KCNT2: variants seen among roughly 807,000 people sequenced by gnomAD.
KCNT2 encodes the protein potassium channel subfamily T member 2.
KCNT2 carries 67 observed loss-of-function variants against 153.8 expected under a neutral mutation model. That is an observed-to-expected ratio of 0.44 (90% CI 0.36 to 0.53). The LOEUF (loss-of-function observed/expected upper bound fraction) is 0.53, where lower values mean the gene tolerates loss of function less well. KCNT2 is among the 20% of genes least tolerant of loss of function. The pLI, the probability that KCNT2 is intolerant of heterozygous loss-of-function variation, is 0.00. For synonymous variants in KCNT2, 500 were observed against 458.8 expected, an observed-to-expected ratio of 1.09 and a Z score of -1.15; for missense variants, 975 against 1,354.8, an observed-to-expected ratio of 0.72 and a Z score of 4.40.
chr1:196,420,810 G>T (rs1324284031), intron 12 of KCNT2, among the ~76,000 whole-genome samples: 1 of 151,958 alleles, frequency 6.6e-6, no homozygotes, highest in African/African-American at 2.4e-5. Flanking sequence ...TTAGCATGGT[G>T]CCTAGACTCT....
intron 1 of KCNT2, among the ~76,000 whole-genome samples, chr1:196,566,102 A>T (rs1223055599): frequency 6.6e-6 from 1 of 152,040 alleles, no homozygotes; most frequent in Non-Finnish European, 1.5e-5. Flanking sequence ...TTAAAAATGA[A>T]TTTGTAAAAA....
In KCNT2 at chr1:196,257,576, G is replaced by T. The variant is rs186769828; in HGVS notation, c.3211+618C>A. ...CACTGATAAATGATATATTTTAAAT[G>T]TATAATTGCATTATTTAAGCTTTGC... is the stretch of plus-strand genomic sequence containing the variant. On this transcript the variant is annotated intron_variant, in intron 26 of 27. Transcript: ENST00000294725. 46 of 919,910 alleles carry T rather than the reference G, an allele frequency of 5.0e-5. No individual in the cohort carries two copies. In the African/African-American group the frequency reaches 8.0e-4, roughly 16 times the overall value. 57.0% of individuals were successfully genotyped at this position (919,910 alleles called of 1,614,324 possible).
At chr1:196,499,342 A>G (rs1680491391) in intron 1 of KCNT2, among the ~76,000 whole-genome samples, 2 of 152,240 alleles carry the variant, frequency 1.3e-5, no homozygotes, top group African/African-American at 4.8e-5. Context: ...AATGGTGACA[A>G]CACCAGTTCT....
chr1:196,490,170 T>G (rs1679748827), intron 2 of KCNT2, among the ~76,000 whole-genome samples: 1 of 151,754 alleles, frequency 6.6e-6, no homozygotes, highest in Non-Finnish European at 1.5e-5. Flanking sequence ...GAGTGCATAT[T>G]TTATAAAAAG....
chr1:196,294,443 T>C (rs1198474453), intron 22 of KCNT2, among the ~76,000 whole-genome samples: 2 of 151,980 alleles, frequency 1.3e-5, no homozygotes, highest in African/African-American at 4.8e-5. Context: ...ACCCAGTTAA[T>C]TTTTGTATTT....
chr1:196,442,585 G>T (rs575050750), intron 8 of KCNT2, among the ~76,000 whole-genome samples: 10 of 151,802 alleles, frequency 6.6e-5, no homozygotes, highest in Non-Finnish European at 1.5e-5. Context: ...TTCAATGCAA[G>T]AGTCATGCTT....
At chr1:196,534,196 A>T (rs1295652655) in intron 1 of KCNT2, among the ~76,000 whole-genome samples, 2 of 152,136 alleles carry the variant, frequency 1.3e-5, no homozygotes, top group African/African-American at 4.8e-5. Context: ...TCTCATGGTT[A>T]TCCATATTTT....
intron 1 of KCNT2, among the ~76,000 whole-genome samples, chr1:196,532,675 T>C (rs1488460266): frequency 1.3e-5 from 2 of 152,042 alleles, no homozygotes; most frequent in Non-Finnish European, 2.9e-5. Context: ...AACTCTAGCG[T>C]GTTTAATGAT....
In KCNT2 at chr1:196,376,662, T is replaced by C. The variant is rs139395165; in HGVS notation, c.1295-3414A>G. On this transcript the variant is annotated intron_variant, in intron 13 of 27. Transcript: ENST00000294725. ...TTCCACCTTGTAAGACTTGATTACA[T>C]AATTTGGGTCACTCTTGACACATTC... 4.1e-3 allele frequency among the ~76,000 whole-genome samples: 624 copies of C among 152,100 alleles called. 5 individuals carry two copies. The highest frequency in any genetic ancestry group is 0.014 in the African/African-American group (594 of 41,542).
chr1:196,411,055 T>TTCCC (rs1209386634), intron 12 of KCNT2, among the ~76,000 whole-genome samples: 23 of 48,928 alleles, frequency 4.7e-4, no homozygotes, highest in African/African-American at 1.6e-3. Context: ...CCCTCCTCTA[T>TTCCC]TCCCTCCTTC....
intron 4 of KCNT2, 37 bp downstream of exon 4, chr1:196,482,293 AC>A: frequency 7.5e-7 from 1 of 1,329,634 alleles, no homozygotes; most frequent in Non-Finnish European, 1.1e-6. Context: ...ATGTGAATAA[AC>A]CCAGAGATAT....
At chr1:196,399,037 A>C (rs59564010) in intron 12 of KCNT2, among the ~76,000 whole-genome samples, 6,855 of 151,574 alleles carry the variant, frequency 0.045, 525 homozygotes, top group African/African-American at 0.16. Flanking sequence ...TAATAATAAC[A>C]TGCTTAGAAA....
chr1:196,257,793 C>T (rs1656647171), intron 26 of KCNT2: 3 of 984,396 alleles, frequency 3.0e-6, no homozygotes, highest in Non-Finnish European at 3.6e-6. Context: ...TTTTGGTTTA[C>T]CTGTGGCCAA....
intron 1 of KCNT2, among the ~76,000 whole-genome samples, chr1:196,510,957 A>C (rs1681562633): frequency 6.6e-6 from 1 of 152,204 alleles, no homozygotes; most frequent in Non-Finnish European, 1.5e-5. Context: ...TGGCAAATAT[A>C]GAGGAAATTG....
intron 22 of KCNT2, among the ~76,000 whole-genome samples, chr1:196,303,299 T>C (rs573696314): frequency 3.9e-5 from 6 of 152,322 alleles, no homozygotes; most frequent in Non-Finnish European, 5.9e-5. Flanking sequence ...TTAGCCTAGA[T>C]ACCTGGTATT....
chr1:196,236,807 T>C (rs935299892), intron 26 of KCNT2, among the ~76,000 whole-genome samples: 1 of 151,602 alleles, frequency 6.6e-6, no homozygotes, highest in Admixed American at 6.6e-5. Flanking sequence ...ACATAGGACA[T>C]TGAAAAAAAT....
intron 8 of KCNT2, among the ~76,000 whole-genome samples, chr1:196,450,172 C>T (rs1016010498): frequency 2.0e-5 from 3 of 151,788 alleles, no homozygotes; most frequent in African/African-American, 7.3e-5. Context: ...GTTTTAGATA[C>T]CATAGGTGAA....
At chr1:196,570,064 G>A (rs1372286810) in intron 1 of KCNT2, among the ~76,000 whole-genome samples, 21 of 107,196 alleles carry the variant, frequency 2.0e-4, no homozygotes. Flanking sequence ...GCTTGAGCTA[G>A]AGTAAAAAAA....
chr1:196,371,219 A>C (rs527481546), intron 14 of KCNT2, among the ~76,000 whole-genome samples: 2 of 139,556 alleles, frequency 1.4e-5, no homozygotes, highest in South Asian at 4.6e-4. Context: ...TCCCGTCACT[A>C]CAAAAAAAAA....
Sources: allele counts gnomAD v4.1 joint callset (sites outside exome capture counted in the v4.1 genomes callset), GRCh38; gene constraint gnomAD v4.1.1; transcripts MANE v1.5; gene names NCBI Gene and HGNC (gene_info 2026-07-23, HGNC 2026-07-21).